KLHL30: variants seen among roughly 807,000 people sequenced by gnomAD.
The protein encoded by KLHL30 is kelch-like protein 30.
Under a neutral mutation model 55.0 loss-of-function variants are expected in KLHL30, and 55 were observed. The ratio of observed to expected loss-of-function variants is 1.00; its 90% CI spans 0.80 to 1.25. The LOEUF (loss-of-function observed/expected upper bound fraction) is 1.25, where lower values mean the gene tolerates loss of function less well. Ranked by LOEUF, KLHL30 falls within the 50% of genes most tolerant of loss-of-function variation. The probability of loss-of-function intolerance (pLI) is 0.00; values close to 1 mark genes in which losing one functional copy is unlikely to be tolerated. For missense variants in KLHL30, 786 were observed against 811.6 expected (o/e 0.97, Z 0.38); for synonymous variants, 356 against 372.6 (o/e 0.96, Z 0.51).
Position 238,150,836 on chromosome 2 carries a change from A to G in KLHL30, c.1508A>G (p.His503Arg), listed in dbSNP as rs1252456881. The change falls in exon 8 of 8, where the codon CAT (histidine) becomes CGT (arginine). Residue 503 changes from histidine to arginine, a missense_variant. Coordinates refer to ENST00000409223, the MANE Select transcript of KLHL30 (RefSeq NM_198582.4). ...WQKVQSQHSL[H>R]ENGALVPLGD... ...CAGGTGCAGTCACAGCACAGCCTGC[A>G]TGAGAATGGCGCGCTGGTGCCACTG... 3.1e-6 allele frequency: 5 copies of G among 1,589,184 alleles called. No individual in the cohort carries two copies. Among genetic ancestry groups the G allele is most frequent in the Non-Finnish European group, 4.3e-6 (5 of 1,169,560 alleles).
rs549619998 is a variant in KLHL30, at chr2:238,147,895, C to G, written c.1212C>G (p.Pro404=). The G allele has an allele frequency of 6.2e-7, 1 of 1,600,172 alleles. No homozygotes were observed. The highest frequency in any genetic ancestry group is 2.3e-5 in the East Asian group (1 of 43,860). ...ACCCCTACACGGACAGCTGGACGCC[C>G]GTCAGCCCGGCCCTCAAATACGTCA... ...SYDPYTDSWT[P]VSPALKYVSN... is the part of the protein sequence containing the mutation. Residue 404 remains proline (P), a synonymous_variant, in exon 6 of 8, where the codon CCC becomes CCG. Transcript: ENST00000409223. This position sits in a 1 kb window ranked among gnomAD's most constrained non-coding sequence, Gnocchi z 5.8.
chr2:238,144,384 AAGGAAGGAAGGAAGGAAG>A, intron 3 of KLHL30, among the ~76,000 whole-genome samples: 1 of 61,712 alleles, frequency 1.6e-5, no homozygotes, highest in Admixed American at 1.6e-4. Context: ...GGAAGGAAGG[AAGGAAGGAAGGAAGGAAG>A]GAAGGAAGGA....
intron 7 of KLHL30, among the ~76,000 whole-genome samples, chr2:238,150,116 G>A (rs772268115): frequency 9.9e-5 from 15 of 152,186 alleles, no homozygotes; most frequent in Admixed American, 2.0e-4. Context: ...CCAGGCTAGC[G>A]TGTCTGCCTG....
chr2:238,150,058 A>G (rs1692723469), intron 7 of KLHL30, among the ~76,000 whole-genome samples: 1 of 152,068 alleles, frequency 6.6e-6, no homozygotes, highest in South Asian at 2.1e-4. Flanking sequence ...TGCTCAGCTG[A>G]CCCAGGGCCC....
chr2:238,141,971 A>G (rs1054307097), intron 2 of KLHL30, among the ~76,000 whole-genome samples: 2 of 152,236 alleles, frequency 1.3e-5, no homozygotes, highest in African/African-American at 4.8e-5. Flanking sequence ...GGGGAAAACC[A>G]TCCAGGAAGG....
intron 3 of KLHL30, 23 bp from the exon 4 acceptor site, chr2:238,144,879 T>C: frequency 6.3e-7 from 1 of 1,579,308 alleles, no homozygotes; most frequent in Admixed American, 1.7e-5. Flanking sequence ...AGCCTGACCC[T>C]TCTGCCTCTC....
chr2:238,141,398 T>A lies in KLHL30; in HGVS notation c.644T>A (p.Leu215Gln). ...GACCCGCAGGCCCGGGCCGCCCACC[T>A]GCCCGAGCTGCTCAGCCTAGTGCAC... ...RHDPQARAAH[L>Q]PELLSLVHLD... The change falls in exon 2 of 8, where the codon CTG (leucine) becomes CAG (glutamine). Residue 215 changes from leucine (L) to glutamine (Q), a missense_variant. Transcript: ENST00000409223. 6 of 1,584,276 alleles carry A rather than the reference T, an allele frequency of 3.8e-6. No homozygotes were observed. Among genetic ancestry groups the A allele is most frequent in the Non-Finnish European group, 5.1e-6 (6 of 1,171,086 alleles).
chr2:238,144,369 C>CGGAA lies in KLHL30; in HGVS notation c.908-470_908-467dup, dbSNP rs72453433. ...CTGCCAGGAGGGCAGGGAGGGTGCT[C>CGGAA]GGAAGGAAGGAAGGAAGGAAGGAAG... On this transcript the variant is annotated intron_variant, in intron 3 of 7. Coordinates refer to ENST00000409223, the MANE Select transcript of KLHL30 (RefSeq NM_198582.4). Among the ~76,000 whole-genome samples the CGGAA allele has an allele frequency of 3.6e-3, 281 of 78,656 alleles. 3 individuals carry two copies. The highest frequency in any genetic ancestry group is 5.6e-3 in the Non-Finnish European group (205 of 36,338). The allele number at this position is 78,656 out of a possible 152,430, so 51.6% of individuals were successfully genotyped here.
rs909059787 is a variant in KLHL30, at chr2:238,142,966, G to T, written c.907+35G>T. 2.0e-6 allele frequency: 3 copies of T among 1,497,590 alleles called. No homozygotes were observed. The African/African-American group carries it at 4.4e-5, about 22-fold the overall frequency. The allele number at this position is 1,497,590 out of a possible 1,614,324, so 92.8% of individuals were successfully genotyped here. A position where few individuals can be genotyped will look rare whatever the true frequency, so the allele number is the denominator to read the frequency against. ...CCTCCCGCGTCCAGACCCACCTGCT[G>T]TCTCTCTGTCCCAGCGGGAGCCGCT... is the stretch of plus-strand genomic sequence containing the variant. On this transcript the variant is annotated intron_variant, in intron 3 of 7. Transcript: ENST00000409223.
Position 238,145,764 on chromosome 2 carries a change from C to G in KLHL30, c.1082C>G (p.Ala361Gly). 1 of 1,605,764 alleles carries G rather than the reference C, an allele frequency of 6.2e-7. No homozygotes were observed. The highest frequency in any genetic ancestry group is 8.5e-7 in the Non-Finnish European group (1 of 1,177,184). The change falls in exon 5 of 8, where the codon GCG (alanine) becomes GGG (glycine). Residue 361 changes from alanine (A) to glycine (G), a missense_variant. By Grantham distance (60) the Ala-to-Gly change is moderately conservative. Coordinates refer to ENST00000409223, the MANE Select transcript of KLHL30 (RefSeq NM_198582.4). Reference protein sequence around the residue: ...PLKEASWKPVAPMLKPRTNHA... With the variant: ...PLKEASWKPVGPMLKPRTNHA... ...AAGGAGGCCTCCTGGAAGCCCGTGG[C>G]GCCCATGCTGAAGCCCCGCACCAAC...
Position 238,147,696 on chromosome 2 carries a change from C to G in KLHL30, c.1151-138C>G, listed in dbSNP as rs1273265291. 1.5e-4 allele frequency: 76 copies of G among 497,996 alleles called. No homozygotes were observed. Among genetic ancestry groups the G allele is most frequent in the Non-Finnish European group, 4.0e-5 (12 of 301,710 alleles). The allele number at this position is 497,996 out of a possible 1,614,324, so 30.8% of individuals were successfully genotyped here. ...TGGGAGGTGCCAGCACCTCTCAGAACCTCAGCTTCCCTGTCTGTGAAATGG... is the reference window on the plus strand; with the variant it reads ...TGGGAGGTGCCAGCACCTCTCAGAAGCTCAGCTTCCCTGTCTGTGAAATGG... On this transcript the variant is annotated intron_variant, in intron 5 of 7. Transcript: ENST00000409223. The surrounding 1 kb of genome is among the most constrained non-coding windows in gnomAD (Gnocchi z 5.8).
chr2:238,139,493 C>T (rs1275051616), intron 1 of KLHL30, among the ~76,000 whole-genome samples: 1 of 152,194 alleles, frequency 6.6e-6, no homozygotes, highest in Non-Finnish European at 1.5e-5. Context: ...TGTGCGCGAG[C>T]CCGGGTTGGT....
At chr2:238,145,915 T>G (rs1692640532) in intron 5 of KLHL30, 83 bp downstream of exon 5, 6 of 1,417,284 alleles carry the variant, frequency 4.2e-6, no homozygotes, top group Non-Finnish European at 5.6e-6. Flanking sequence ...AGCCCCATGC[T>G]GGCCTCGGAG....
At chr2:238,140,571 G>T in intron 1 of KLHL30, 114 bp from the exon 2 acceptor site, 1 of 597,766 alleles carries the variant, frequency 1.7e-6, no homozygotes. Context: ...GCATATGGTC[G>T]ATGCCCATCC....
chr2:238,146,943 T>C (rs1265245924), intron 5 of KLHL30, among the ~76,000 whole-genome samples: 8 of 148,690 alleles, frequency 5.4e-5, no homozygotes, highest in African/African-American at 1.7e-4. Flanking sequence ...GAGGCAGAGG[T>C]TGCAGTGAGC....
intron 5 of KLHL30, 111 bp downstream of exon 5, chr2:238,145,943 C>A: frequency 8.2e-7 from 1 of 1,221,120 alleles, no homozygotes; most frequent in Non-Finnish European, 1.1e-6. Context: ...AGATGCCGCT[C>A]CCACTGCCAC....
intron 5 of KLHL30, 103 bp downstream of exon 5, chr2:238,145,935 A>G: frequency 3.1e-6 from 4 of 1,309,424 alleles, no homozygotes; most frequent in Non-Finnish European, 4.1e-6. Flanking sequence ...GACCACGGAG[A>G]TGCCGCTCCC....
rs1315304234 is a variant in KLHL30, at chr2:238,149,128, C to A, written c.1461C>A (p.Asp487Glu). ...GDNTKKVYVY[D>E]PGANLWQKVQ... ...ACACCAAGAAGGTCTACGTGTACGA[C>A]CCCGGGGCCAACCTGTGGCAGAAGG... The change falls in exon 7 of 8, where the codon GAC becomes GAA. Residue 487 changes from aspartate (D) to glutamate (E), a missense_variant. Coordinates refer to ENST00000409223, the MANE Select transcript of KLHL30 (RefSeq NM_198582.4). 1 of 1,612,926 alleles carries A rather than the reference C, an allele frequency of 6.2e-7. No individual in the cohort carries two copies. Among genetic ancestry groups the A allele is most frequent in the South Asian group, 1.1e-5 (1 of 91,076 alleles).
chr2:238,141,559 G>T, intron 2 of KLHL30, 31 bp downstream of exon 2: 2 of 1,432,322 alleles, frequency 1.4e-6, no homozygotes, highest in South Asian at 3.0e-5. Context: ...CCCCATCCCT[G>T]GGAAGCAGGG....
Sources: gnomAD v4.1 joint callset for allele counts (sites outside exome capture counted in the v4.1 genomes callset) on GRCh38, gnomAD v4.1.1 for gene constraint, Gnocchi (gnomAD v3.1) non-coding constraint, MANE v1.5 for transcripts, NCBI Gene and HGNC (gene_info 2026-07-23, HGNC 2026-07-21) for gene names.